THADA: variants seen among roughly 807,000 people sequenced by gnomAD.
THADA encodes tRNA (32-2'-O)-methyltransferase regulator THADA.
THADA carries 213 observed loss-of-function variants against 219.8 expected under a neutral mutation model. The ratio of observed to expected loss-of-function variants is 0.97; its 90% confidence interval spans 0.87 to 1.09. The LOEUF (loss-of-function observed/expected upper bound fraction) is 1.09. Ranked by LOEUF, THADA falls within the 50% of genes least tolerant of loss-of-function variation. The pLI, the probability that THADA is intolerant of heterozygous loss-of-function variation, is 0.00. For missense variants in THADA, 2,956 were observed against 2,311.3 expected (o/e 1.28, Z -5.72); for synonymous variants, 1,018 against 828.9 (o/e 1.23, Z -3.92).
At chr2:43,448,031 T>C (rs559684663) in intron 26 of THADA, among the ~76,000 whole-genome samples, 26 of 152,340 alleles carry the variant, frequency 1.7e-4, no homozygotes, top group African/African-American at 5.8e-4. Flanking sequence ...GGCAATTGTT[T>C]TTCCAAATCT....
At chr2:43,546,619 A>T (rs536968847) in intron 20 of THADA, among the ~76,000 whole-genome samples, 1 of 152,222 alleles carries the variant, frequency 6.6e-6, no homozygotes, top group Admixed American at 6.5e-5. Context: ...CTTTACCATT[A>T]TGTAATGGCC....
chr2:43,335,856 T>C (rs1433053468), intron 30 of THADA, among the ~76,000 whole-genome samples: 1 of 151,102 alleles, frequency 6.6e-6, no homozygotes, highest in Non-Finnish European at 1.5e-5. Flanking sequence ...CTCAGCACTT[T>C]GGGAGGCCGA....
At chr2:43,255,756 G>A (rs181219752) in intron 36 of THADA, among the ~76,000 whole-genome samples, 16 of 152,314 alleles carry the variant, frequency 1.1e-4, no homozygotes, top group Non-Finnish European at 1.9e-4. Flanking sequence ...TTTCCAGCTG[G>A]GGTGAAGCCT....
At chr2:43,455,935 T>C (rs1220643508) in intron 26 of THADA, among the ~76,000 whole-genome samples, 1 of 152,228 alleles carries the variant, frequency 6.6e-6, no homozygotes, top group Non-Finnish European at 1.5e-5. Context: ...GTAGCTCTTT[T>C]TGACTTTATG....
Position 43,581,779 on chromosome 2 carries a change from C to G in THADA, c.683G>C (p.Cys228Ser), listed in dbSNP as rs1293806223. 3.7e-6 allele frequency: 6 copies of G among 1,612,494 alleles called. No homozygotes were observed. The highest frequency in any genetic ancestry group is 5.1e-6 in the Non-Finnish European group (6 of 1,179,652). The change falls in exon 8 of 38, where the codon TGT (cysteine) becomes TCT (serine). Residue 228 changes from cysteine to serine, a missense_variant. By Grantham distance (112) the Cys-to-Ser change is moderately radical. Transcript: ENST00000405975. ...TSDSPIWQNM[C>S]GLLSIFTKVL... ...CTTGGTAAAAATACTCAGCAATCCA[C>G]ACATATTTTGCCATATGGGAGAATC...
chr2:43,291,241 G>A (rs578172130), intron 34 of THADA, among the ~76,000 whole-genome samples: 21 of 151,730 alleles, frequency 1.4e-4, no homozygotes, highest in Admixed American at 9.2e-4. Context: ...CCTGAGGTCA[G>A]GAGTTCGAGA....
chr2:43,529,005 A>G (rs1693532809), intron 21 of THADA, among the ~76,000 whole-genome samples: 1 of 152,198 alleles, frequency 6.6e-6, no homozygotes, highest in Non-Finnish European at 1.5e-5. Flanking sequence ...GTTAATGACA[A>G]TGCAAGATGT....
In THADA at chr2:43,577,026, A is replaced by T; in HGVS notation, c.1033T>A (p.Ser345Thr). Reference sequence around the variant, plus strand: ...GACGATAGCATCAAAACTCACTGTGAACTCAAGGTGAACAAAACATGTGCA... The same window carrying T: ...GACGATAGCATCAAAACTCACTGTGTACTCAAGGTGAACAAAACATGTGCA... ...DTAHVLFTLS[S>T]QIKEPTLEMF... is the part of the protein sequence containing the mutation. The change falls in exon 10 of 38, where the codon TCA (serine) becomes ACA (threonine). Residue 345 changes from serine to threonine, a missense_variant. Ser to Thr is a moderately conservative substitution (Grantham distance 58). Transcript: ENST00000405975. The T allele has an allele frequency of 6.2e-7, 1 of 1,612,190 alleles. No homozygotes were observed. The highest frequency in any genetic ancestry group is 8.5e-7 in the Non-Finnish European group (1 of 1,179,066).
chr2:43,353,553 C>A (rs963514299), intron 29 of THADA, among the ~76,000 whole-genome samples: 1 of 152,198 alleles, frequency 6.6e-6, no homozygotes, highest in South Asian at 2.1e-4. Flanking sequence ...TATTTTCCTG[C>A]TGAGTTGTAT....
At chr2:43,497,402 T>G (rs993887718) in intron 25 of THADA, among the ~76,000 whole-genome samples, 1 of 152,182 alleles carries the variant, frequency 6.6e-6, no homozygotes, top group Admixed American at 6.5e-5. Context: ...TGGATGAGGC[T>G]AGAAGCCATC....
At chr2:43,480,149 T>C (rs1394166677) in intron 26 of THADA, among the ~76,000 whole-genome samples, 1 of 152,256 alleles carries the variant, frequency 6.6e-6, no homozygotes, top group Non-Finnish European at 1.5e-5. Flanking sequence ...TGCCACTTTC[T>C]GGCTGTATGG....
At position 43,592,424 on chromosome 2, in the gene THADA, A is replaced by G. The variant is rs1304863746; in HGVS notation, c.-24-8T>C. The G allele has an allele frequency of 6.7e-6, 10 of 1,484,424 alleles. No individual in the cohort carries two copies. In the Admixed American group the frequency reaches 7.9e-5, roughly 12 times the overall value. 92.0% of individuals were successfully genotyped at this position (1,484,424 alleles called of 1,614,324 possible). ...TAGAATTAATAGTAGTCACTGCAAG[A>G]AAGAAGACTTTAAGGCATTAATGTA... On this transcript the variant is annotated splice_region_variant and splice_polypyrimidine_tract_variant and intron_variant, in intron 1 of 37. Transcript: ENST00000405975.
At chr2:43,497,765 G>A (rs1018115888) in intron 25 of THADA, among the ~76,000 whole-genome samples, 5 of 152,144 alleles carry the variant, frequency 3.3e-5, no homozygotes, top group African/African-American at 1.2e-4. Flanking sequence ...TCCACTTGTA[G>A]TCCCAGCTAC....
At chr2:43,432,894 G>A (rs1679554799) in intron 26 of THADA, among the ~76,000 whole-genome samples, 1 of 152,052 alleles carries the variant, frequency 6.6e-6, no homozygotes, top group South Asian at 2.1e-4. Flanking sequence ...TATATGCATG[G>A]CATATACCTT....
intron 25 of THADA, among the ~76,000 whole-genome samples, chr2:43,497,254 C>G (rs1246393361): frequency 6.6e-6 from 1 of 152,138 alleles, no homozygotes; most frequent in African/African-American, 2.4e-5. Context: ...TATTGCAGCA[C>G]TATTTACAAT....
Position 43,232,841 on chromosome 2 carries a change from G to C in THADA, c.5338C>G (p.Leu1780Val). The C allele has an allele frequency of 1.2e-6, 2 of 1,612,132 alleles. No individual in the cohort carries two copies. Among genetic ancestry groups the C allele is most frequent in the Non-Finnish European group, 1.7e-6 (2 of 1,179,274 alleles). The change falls in exon 37 of 38, where the codon CTG (leucine) becomes GTG (valine). Residue 1780 changes from leucine (L) to valine (V), a missense_variant. Physicochemically the swap from Leu to Val is conservative, Grantham distance 32. Coordinates refer to ENST00000405975, the MANE Select transcript of THADA (RefSeq NM_022065.5). ...CQVDASIALA[L>V]ALAVLCDLLQ... ...AGATCACACAGGACGGCCAGGGCCA[G>C]GGCCAGAGCGATGGAGGCATCCACC...
intron 26 of THADA, among the ~76,000 whole-genome samples, chr2:43,473,277 T>C (rs892301523): frequency 1.3e-5 from 2 of 152,214 alleles, no homozygotes; most frequent in Non-Finnish European, 2.9e-5. Flanking sequence ...AAATTTATTA[T>C]CCTACTTTTT....
At chr2:43,489,729 T>A (rs1687377277) in intron 25 of THADA, among the ~76,000 whole-genome samples, 1 of 152,168 alleles carries the variant, frequency 6.6e-6, no homozygotes, top group Non-Finnish European at 1.5e-5. Flanking sequence ...TGCCTAACCT[T>A]ATGTCAATGC....
At chr2:43,430,370 T>TAA in intron 26 of THADA, 68 bp from the exon 27 acceptor site, 1 of 874,176 alleles carries the variant, frequency 1.1e-6, no homozygotes, top group South Asian at 1.8e-5. Flanking sequence ...AGCCTTTTTT[T>TAA]TAAAAAAAGG....
Sources: gnomAD v4.1 joint callset for allele counts (sites outside exome capture counted in the v4.1 genomes callset) on GRCh38, gnomAD v4.1.1 for gene constraint, MANE v1.5 for transcripts, NCBI Gene and HGNC (gene_info 2026-07-23, HGNC 2026-07-21) for gene names.